Variants in TJP2 observed in about 807,000 individuals in gnomAD.
The protein encoded by TJP2 is Friedreich ataxia region gene X104 (tight junction protein ZO-2).
TJP2 carries 91 observed loss-of-function variants against 133.1 expected under a neutral mutation model. The observed-to-expected ratio is 0.68, with a 90% CI of 0.58 to 0.81. The LOEUF is 0.81. TJP2 is among the 40% of genes least tolerant of loss of function. The pLI is 0.00. For synonymous variants in TJP2, 592 were observed against 583.4 expected (o/e 1.01, Z -0.21); for missense variants, 1,541 against 1,565.6 (o/e 0.98, Z 0.26).
rs75980642 is a variant in TJP2 at position 69,230,342 on chromosome 9, C to G, written c.1671+110C>G. On this transcript the variant is annotated intron_variant, in intron 11 of 22. Coordinates refer to ENST00000377245, the MANE Select transcript of TJP2 (RefSeq NM_004817.4). ...TGGTTCAGCTGGTGAAATAGAGCAG[C>G]TGCAAGTTTGTTGATGCCCAGCATT... 6.9e-4 allele frequency: 986 copies of G among 1,426,864 alleles called. 4 individuals carry two copies. In the African/African-American group the frequency reaches 0.012, roughly 17 times the overall value. The allele number at this position is 1,426,864 out of a possible 1,614,324, so 88.4% of individuals were successfully genotyped here. A position where few individuals can be genotyped will look rare whatever the true frequency, so the allele number is the denominator to read the frequency against.
chr9:69,169,835 C>T (rs1824581080), upstream of TJP2, among the ~76,000 whole-genome samples: 1 of 152,154 alleles, frequency 6.6e-6, no homozygotes, highest in African/African-American at 2.4e-5. Flanking sequence ...TTAAGGTCTT[C>T]TGACCAACTT....
chr9:69,254,432 G>A lies in TJP2; in HGVS notation c.*58G>A. The A allele has an allele frequency of 1.9e-6, 3 of 1,607,870 alleles. No individual in the cohort carries two copies. The highest frequency in any genetic ancestry group is 1.1e-5 in the South Asian group (1 of 90,926). On this transcript the variant is annotated 3_prime_UTR_variant, in exon 23 of 23. Transcript: ENST00000377245. The stretch of plus-strand genomic sequence containing the variant: ...GCATGGCATCAGACTAGCCACTCCT[G>A]CCAGGCCGCCGGGATGGTTCTTCTC...
intron 2 of TJP2, among the ~76,000 whole-genome samples, chr9:69,168,492 A>G (rs1312005784): frequency 6.6e-6 from 1 of 152,096 alleles, no homozygotes; most frequent in Admixed American, 6.6e-5. Context: ...GACTTTAACA[A>G]ACTTTGAAAG....
upstream of TJP2, among the ~76,000 whole-genome samples, chr9:69,172,942 C>A (rs922942501): frequency 1.3e-5 from 2 of 152,116 alleles, no homozygotes; most frequent in Non-Finnish European, 1.5e-5. Context: ...GGAATACAAC[C>A]AAAATGTCTA....
At chr9:69,251,691 G>T (rs988272004) in intron 21 of TJP2, among the ~76,000 whole-genome samples, 5 of 152,072 alleles carry the variant, frequency 3.3e-5, no homozygotes, top group African/African-American at 1.2e-4. Context: ...TTTCTTAAAC[G>T]TGTCTTCATT....
chr9:69,161,214 A>ATGTGTGTGTGTGTGTGTGTGTG (rs111442939), intron 2 of TJP2, among the ~76,000 whole-genome samples: 90 of 148,410 alleles, frequency 6.1e-4, no homozygotes, highest in African/African-American at 2.1e-3. Context: ...GTCATCAGTG[A>ATGTGTGTGTGTGTGTGTGTGTG]TGTGTGTGTG....
chr9:69,225,193 CAT>C, intron 5 of TJP2, 109 bp from the exon 6 acceptor site: 1 of 726,398 alleles, frequency 1.4e-6, no homozygotes, highest in Non-Finnish European at 2.4e-6. Context: ...CAGAATTTCC[CAT>C]ATACAAAATT....
chr9:69,251,482 A>G, intron 21 of TJP2, 118 bp downstream of exon 21: 1 of 1,075,422 alleles, frequency 9.3e-7, no homozygotes, highest in Non-Finnish European at 1.4e-6. Context: ...ACTGCACCAA[A>G]GGCAGGTGCT....
rs1281864403 is a variant in TJP2, at chr9:69,225,305, G to T, written c.954G>T (p.Glu318Asp). ...VLLMKSRANE[E>D]YGLRLGSQIF... Reference sequence around the variant, plus strand: ...TATGTTTATGTGTTTGTCTCCTAGAGTATGGTCTCCGGCTTGGGAGTCAGA... The same window carrying T: ...TATGTTTATGTGTTTGTCTCCTAGATTATGGTCTCCGGCTTGGGAGTCAGA... The change falls in exon 6 of 23, where the codon GAG (glutamate) becomes GAT (aspartate). Residue 318 changes from glutamate (E) to aspartate (D), a missense_variant and splice_region_variant. Transcript: ENST00000377245. 2.5e-6 allele frequency: 4 copies of T among 1,608,984 alleles called. No homozygotes were observed. The highest frequency in any genetic ancestry group is 3.4e-6 in the Non-Finnish European group (4 of 1,175,586).
In TJP2 at chr9:69,225,347, G is replaced by T; in HGVS notation, c.996G>T (p.Met332Ile). The T allele has an allele frequency of 1.2e-6, 2 of 1,613,966 alleles. No individual in the cohort carries two copies. The highest frequency in any genetic ancestry group is 1.1e-5 in the South Asian group (1 of 91,018). ...RLGSQIFVKEMTRTGLATKDG... is the reference protein window; with the variant it reads ...RLGSQIFVKEITRTGLATKDG... ...GGAGTCAGATCTTCGTAAAGGAAATGACCCGAACGGGTCTGGCAACTAAAG... is the reference window on the plus strand; with the variant it reads ...GGAGTCAGATCTTCGTAAAGGAAATTACCCGAACGGGTCTGGCAACTAAAG... Residue 332 changes from methionine to isoleucine, a missense_variant, in exon 6 of 23, where the codon ATG becomes ATT. By Grantham distance (10) the Met-to-Ile change is conservative. Transcript: ENST00000377245.
intron 1 of TJP2, among the ~76,000 whole-genome samples, chr9:69,151,217 G>A (rs1823457910): frequency 6.6e-6 from 1 of 152,134 alleles, no homozygotes; most frequent in African/African-American, 2.4e-5. Flanking sequence ...CGCAGTGGCT[G>A]ACGCCTGTAA....
In TJP2 at chr9:69,248,133, G is replaced by A. The variant is rs552732939; in HGVS notation, c.2789G>A (p.Gly930Asp). 3.7e-6 allele frequency: 6 copies of A among 1,614,094 alleles called. No homozygotes were observed. In the South Asian group the frequency reaches 6.6e-5, roughly 18 times the overall value. Residue 930 changes from glycine (G) to aspartate (D), a missense_variant, in exon 19 of 23, where the codon GGC (glycine) becomes GAC (aspartate). Physicochemically the swap from Gly to Asp is moderately conservative, Grantham distance 94. Coordinates refer to ENST00000377245, the MANE Select transcript of TJP2 (RefSeq NM_004817.4). ...TTTGAAGACACGGACGGTGAAGGAG[G>A]CGCCTACACTGACAATGAGCTGGAT... is the stretch of plus-strand genomic sequence containing the variant. ...SDFEDTDGEG[G>D]AYTDNELDEP...
chr9:69,248,258 G>A (rs1172965747), intron 19 of TJP2, 34 bp downstream of exon 19: 3 of 1,556,344 alleles, frequency 1.9e-6, no homozygotes, highest in Non-Finnish European at 2.6e-6. Context: ...AGGAACAGGA[G>A]AGCCTGGTGT....
At chr9:69,237,173 T>A (rs372549112) in intron 14 of TJP2, 37 bp downstream of exon 14, 157 of 1,611,404 alleles carry the variant, frequency 9.7e-5, no homozygotes, top group Non-Finnish European at 1.3e-4. Flanking sequence ...ATGAACTGAC[T>A]GGGCTCTGAG....
chr9:69,170,689 G>A (rs1824632912), upstream of TJP2, among the ~76,000 whole-genome samples: 1 of 152,072 alleles, frequency 6.6e-6, no homozygotes, highest in Non-Finnish European at 1.5e-5. Flanking sequence ...CATGTTGTTG[G>A]CCTCTCCCTC....
intron 1 of TJP2, among the ~76,000 whole-genome samples, chr9:69,195,441 C>A (rs1336511731): frequency 6.7e-6 from 1 of 150,098 alleles, no homozygotes; most frequent in South Asian, 2.1e-4. Context: ...GGTCTCATAT[C>A]TTATGAAAAT....
chr9:69,191,100 G>C lies in TJP2; in HGVS notation c.60+16668G>C, dbSNP rs1436404433. Among the ~76,000 whole-genome samples, 3 of 150,180 alleles carry C rather than the reference G, an allele frequency of 2.0e-5. No homozygotes were observed. In the East Asian group the frequency reaches 6.0e-4, roughly 30 times the overall value. On this transcript the variant is annotated intron_variant, in intron 1 of 22. Coordinates refer to ENST00000377245, the MANE Select transcript of TJP2 (RefSeq NM_004817.4). ...CTGCAGTCACTCATAGCTTGGAAAA[G>C]CAAAAAGGAAAAAGGGTTGGATCTG...
intron 17 of TJP2, among the ~76,000 whole-genome samples, chr9:69,242,576 C>T (rs1276037472): frequency 1.3e-5 from 2 of 152,184 alleles, no homozygotes; most frequent in African/African-American, 4.8e-5. Context: ...TTGCCAATCT[C>T]TTATGTAGAA....
chr9:69,248,369 C>T, intron 19 of TJP2, 145 bp downstream of exon 19: 1 of 1,447,060 alleles, frequency 6.9e-7, no homozygotes, highest in Non-Finnish European at 9.1e-7. Flanking sequence ...CGCTTTGAGT[C>T]CACGCTGGCA....
Sources: allele counts gnomAD v4.1 joint callset (sites outside exome capture counted in the v4.1 genomes callset), GRCh38; gene constraint gnomAD v4.1.1; transcripts MANE v1.5; gene names NCBI Gene and HGNC (gene_info 2026-07-23, HGNC 2026-07-21).